Variants in INPP4A observed in about 807,000 individuals in gnomAD.
The protein encoded by INPP4A is inositol polyphosphate-4-phosphatase type I A, also known as inositol polyphosphate-4-phosphatase, type I, 107kD.
A neutral mutation model predicts 119.8 loss-of-function variants in INPP4A; 33 were observed. That is an observed-to-expected ratio of 0.28 (90% CI 0.21 to 0.37). INPP4A has a LOEUF of 0.37. Among genes scored for constraint, INPP4A ranks in the 10% least tolerant of loss-of-function variants. INPP4A has a pLI of 1.00. For missense variants in INPP4A, 956 were observed against 1,289.9 expected, an observed-to-expected ratio of 0.74 and a Z score of 3.97; for synonymous variants, 496 against 500.7, an observed-to-expected ratio of 0.99 and a Z score of 0.12.
At chr2:98,509,509 C>T (rs1684731904) in intron 1 of INPP4A, among the ~76,000 whole-genome samples, 1 of 152,236 alleles carries the variant, frequency 6.6e-6, no homozygotes, top group Non-Finnish European at 1.5e-5. Context: ...AAACCAGTCC[C>T]TGGTGTCAAT....
At chr2:98,509,206 G>A (rs932772209) in intron 1 of INPP4A, among the ~76,000 whole-genome samples, 2 of 152,192 alleles carry the variant, frequency 1.3e-5, no homozygotes, top group Admixed American at 6.5e-5. Context: ...GTTTGTTAAA[G>A]CAGGAGTCCA....
chr2:98,544,044 C>A, intron 11 of INPP4A, 37 bp downstream of exon 11: 1 of 1,511,130 alleles, frequency 6.6e-7, no homozygotes. Flanking sequence ...CACACGCGTG[C>A]GCACACACAC....
At chr2:98,509,922 A>G (rs538122886) in intron 1 of INPP4A, among the ~76,000 whole-genome samples, 71 of 152,370 alleles carry the variant, frequency 4.7e-4, no homozygotes, top group African/African-American at 1.6e-3. Flanking sequence ...ACCAAGAAGG[A>G]CATAAAAGAA....
intron 1 of INPP4A, among the ~76,000 whole-genome samples, chr2:98,464,463 G>A (rs924467328): frequency 6.6e-6 from 1 of 152,236 alleles, no homozygotes; most frequent in Non-Finnish European, 1.5e-5. Flanking sequence ...GTTTAGGGGA[G>A]AGATAAACCT....
intron 24 of INPP4A, among the ~76,000 whole-genome samples, chr2:98,585,494 G>T (rs1289033825): frequency 6.6e-6 from 1 of 152,216 alleles, no homozygotes; most frequent in Non-Finnish European, 1.5e-5. Flanking sequence ...TAAAAAGTAT[G>T]CAGCCGACGT....
chr2:98,570,127 G>A lies in INPP4A; in HGVS notation c.2518+1459G>A, dbSNP rs1403181093. On this transcript the variant is annotated intron_variant, in intron 22 of 24. Transcript: ENST00000409851. This position sits in a 1 kb window ranked among gnomAD's most constrained non-coding sequence, Gnocchi z 4.3. ...TGCCGGCAACAGCTGGGGCCGTCCC[G>A]CTGATGAGAGAGGCGCAGGGCTACA... is the stretch of plus-strand genomic sequence containing the variant. 2.0e-5 allele frequency among the ~76,000 whole-genome samples: 3 copies of A among 152,170 alleles called. No individual in the cohort carries two copies. The highest frequency in any genetic ancestry group is 7.2e-5 in the African/African-American group (3 of 41,436).
chr2:98,576,424 G>A (rs62157967), intron 23 of INPP4A, among the ~76,000 whole-genome samples: 1,844 of 152,330 alleles, frequency 0.012, 17 homozygotes, highest in Non-Finnish European at 0.02. Flanking sequence ...GAGGAGGCCT[G>A]TGGGGCTGGT....
At chr2:98,446,516 C>G (rs535928479) in intron 1 of INPP4A, among the ~76,000 whole-genome samples, 1 of 151,986 alleles carries the variant, frequency 6.6e-6, no homozygotes, top group African/African-American at 2.4e-5. Context: ...TGCCTCATTC[C>G]CTGTGATGTC....
At position 98,566,778 on chromosome 2, in the gene INPP4A, CAT is replaced by C. The variant is rs565275619; in HGVS notation, c.2420+610_2420+611del. On this transcript the variant is annotated intron_variant, in intron 21 of 24. Coordinates refer to ENST00000409851, the MANE Select transcript of INPP4A (RefSeq NM_001134225.2). This position sits in a 1 kb window ranked among gnomAD's most constrained non-coding sequence, Gnocchi z 4.2. ...GTGTGCACGTGTGCCTGTGTGCGCA[CAT>C]GTGTGTGAGGAGATAGGGTAGATTG... is the stretch of plus-strand genomic sequence containing the variant. Among the ~76,000 whole-genome samples, 581 of 152,258 alleles carry C rather than the reference CAT, an allele frequency of 3.8e-3. 3 individuals carry two copies. Among genetic ancestry groups the C allele is most frequent in the African/African-American group, 0.012 (518 of 41,546 alleles).
chr2:98,592,731 C>T lies in INPP4A; in HGVS notation c.*5123C>T, dbSNP rs115854126. ...GCAGGCTGTCTGCTCCCAATAGTGG[C>T]CCTGGCTGCAACTGACCTCCTGATG... is the stretch of plus-strand genomic sequence containing the variant. On this transcript the variant is annotated 3_prime_UTR_variant, in exon 25 of 25. Transcript: ENST00000409851. The T allele has an allele frequency of 0.014, 2,157 of 152,546 alleles. 35 individuals are homozygous for T. The highest frequency in any genetic ancestry group is 0.017 in the Non-Finnish European group (1,149 of 68,194). The allele number at this position is 152,546 out of a possible 1,614,324, so 9.4% of individuals were successfully genotyped here. A position where few individuals can be genotyped will look rare whatever the true frequency, so the allele number is the denominator to read the frequency against.
intron 1 of INPP4A, among the ~76,000 whole-genome samples, chr2:98,514,670 C>T (rs879265964): frequency 6.6e-6 from 1 of 152,140 alleles, no homozygotes; most frequent in Admixed American, 6.5e-5. Context: ...AATCCCACCA[C>T]TTTGGGAGGT....
At chr2:98,447,651 T>G (rs749499209) in intron 1 of INPP4A, among the ~76,000 whole-genome samples, 13 of 152,216 alleles carry the variant, frequency 8.5e-5, no homozygotes, top group Non-Finnish European at 1.6e-4. Context: ...TCTGTTACAC[T>G]GCTTTATCAT....
Position 98,555,716 on chromosome 2 carries a change from G to A in INPP4A, c.1730G>A (p.Trp577Ter). Residue 577 changes from tryptophan to a stop codon, truncating the protein, a stop_gained, in exon 16 of 25, where the codon TGG becomes TAG. Coordinates refer to ENST00000409851, the MANE Select transcript of INPP4A (RefSeq NM_001134225.2). LOFTEE classifies it high-confidence loss of function. ...GGTAACCCGGACAGCCACGCCTACTGGATCAGACCAGAAGACCCCTTCTGT... is the reference window on the plus strand; with the variant it reads ...GGTAACCCGGACAGCCACGCCTACTAGATCAGACCAGAAGACCCCTTCTGT... Reference protein sequence around the residue: ...KKGNPDSHAYWIRPEDPFCDV... With the variant: ...KKGNPDSHAY 6.2e-7 allele frequency: 1 copy of A among 1,611,590 alleles called. No homozygotes were observed. The highest frequency in any genetic ancestry group is 8.5e-7 in the Non-Finnish European group (1 of 1,178,688).
intron 1 of INPP4A, among the ~76,000 whole-genome samples, chr2:98,515,826 C>T (rs1686013321): frequency 6.6e-6 from 1 of 152,198 alleles, no homozygotes; most frequent in African/African-American, 2.4e-5. Flanking sequence ...TCCCGTCCTG[C>T]CAGTGCCCTC....
rs1351622129 is a variant in INPP4A at position 98,448,704 on chromosome 2, TCTCTC to T, written c.-166+3620_-166+3624del. 6.9e-4 allele frequency among the ~76,000 whole-genome samples: 95 copies of T among 137,746 alleles called. 2 individuals carry two copies. The East Asian group carries it at 0.011, about 15-fold the overall frequency. The allele number at this position is 137,746 out of a possible 152,430, so 90.4% of individuals were successfully genotyped here. A position where few individuals can be genotyped will look rare whatever the true frequency, so the allele number is the denominator to read the frequency against. On this transcript the variant is annotated intron_variant, in intron 1 of 24. Transcript: ENST00000409851. ...GTTGTAGTCTTCTTTTCTCTCTCTC[TCTCTC>T]TTTTTTTTTTTTTTTTTTTAAAGAG...
intron 1 of INPP4A, among the ~76,000 whole-genome samples, chr2:98,450,450 G>A (rs1695028307): frequency 6.6e-6 from 1 of 152,102 alleles, no homozygotes; most frequent in African/African-American, 2.4e-5. Flanking sequence ...CACATCTTTC[G>A]AAACCATTTA....
intron 15 of INPP4A, among the ~76,000 whole-genome samples, chr2:98,555,135 C>G (rs1410791893): frequency 6.6e-6 from 1 of 152,220 alleles, no homozygotes; most frequent in African/African-American, 2.4e-5. Flanking sequence ...ACTCCCAGAC[C>G]TTCCTCTCCT....
At chr2:98,579,680 G>C (rs1698993094) in intron 24 of INPP4A, among the ~76,000 whole-genome samples, 1 of 152,226 alleles carries the variant, frequency 6.6e-6, no homozygotes, top group African/African-American at 2.4e-5. Context: ...TAAGGGCCCT[G>C]GGGCCTGGCA....
At chr2:98,503,618 A>C (rs1443393846) in intron 1 of INPP4A, among the ~76,000 whole-genome samples, 2 of 152,246 alleles carry the variant, frequency 1.3e-5, no homozygotes, top group African/African-American at 4.8e-5. Flanking sequence ...GGATTCTTGC[A>C]GGCAGAGATC....
Sources: allele counts gnomAD v4.1 joint callset (sites outside exome capture counted in the v4.1 genomes callset), GRCh38; gene constraint gnomAD v4.1.1; non-coding constraint Gnocchi (gnomAD v3.1); transcripts MANE v1.5; gene names NCBI Gene and HGNC (gene_info 2026-07-23, HGNC 2026-07-21).